NDC1: variants seen among roughly 807,000 people sequenced by gnomAD.
NDC1 encodes NDC1 transmembrane nucleoporin, also known as nucleoporin NDC1.
A neutral mutation model predicts 89.8 loss-of-function variants in NDC1; 24 were observed. The observed-to-expected ratio is 0.27, with a 90% CI of 0.19 to 0.38. The LOEUF is 0.38. NDC1 is among the 10% of genes least tolerant of loss of function. The pLI is 1.00. For missense variants in NDC1, 728 were observed against 797.6 expected, an observed-to-expected ratio of 0.91 and a Z score of 1.05; for synonymous variants, 296 against 284.8, an observed-to-expected ratio of 1.04 and a Z score of -0.39.
chr1:53,822,203 G>A (rs1017596000), intron 5 of NDC1, among the ~76,000 whole-genome samples: 4 of 152,064 alleles, frequency 2.6e-5, no homozygotes, highest in Non-Finnish European at 4.4e-5. Flanking sequence ...GCGTGGTAGC[G>A]CACGCCTATA....
chr1:53,809,450 C>G (rs1040869404), intron 7 of NDC1, among the ~76,000 whole-genome samples: 2 of 152,146 alleles, frequency 1.3e-5, no homozygotes, highest in Non-Finnish European at 1.5e-5. Flanking sequence ...CTCCTGGGCT[C>G]AAGCGATCCT....
At chr1:53,795,120 T>G (rs971027735) in intron 13 of NDC1, among the ~76,000 whole-genome samples, 4 of 152,122 alleles carry the variant, frequency 2.6e-5, no homozygotes, top group African/African-American at 9.7e-5. Flanking sequence ...TCCCGCCCCA[T>G]GCTACCCATC....
chr1:53,838,102 T>G (rs1292588125), intron 1 of NDC1, 103 bp downstream of exon 1: 1 of 1,062,504 alleles, frequency 9.4e-7, no homozygotes, highest in African/African-American at 1.6e-5. Context: ...CTCTCCACGC[T>G]GCCCCGGGAC....
intron 8 of NDC1, among the ~76,000 whole-genome samples, chr1:53,807,246 CAAAAAAAAAA>C (rs56393499): frequency 1.3e-4 from 7 of 55,272 alleles, no homozygotes; most frequent in South Asian, 1.0e-3. Context: ...GACCCTATCT[CAAAAAAAAAA>C]AAAAAAAAAA....
intron 7 of NDC1, 23 bp from the exon 8 acceptor site, chr1:53,807,814 T>C (rs1462726939): frequency 6.3e-7 from 1 of 1,580,546 alleles, no homozygotes; most frequent in Non-Finnish European, 8.6e-7. Context: ...AAATTACTAT[T>C]AATCCTCTAG....
At chr1:53,772,284 C>G in intron 17 of NDC1, 45 bp downstream of exon 17, 1 of 1,553,442 alleles carries the variant, frequency 6.4e-7, no homozygotes, top group Non-Finnish European at 8.8e-7. Context: ...CTAAGGAAAG[C>G]TCCCCAGAAT....
At chr1:53,834,416 G>A (rs532066493) in intron 2 of NDC1, among the ~76,000 whole-genome samples, 11 of 152,264 alleles carry the variant, frequency 7.2e-5, no homozygotes, top group South Asian at 2.1e-4. Context: ...GGGACCTATC[G>A]AAAAAGTGAT....
In NDC1 at chr1:53,806,492, G is replaced by A; in HGVS notation, c.917C>T (p.Pro306Leu). ...GCACTCATCTGACCCTTCTGCAAATGGTGGTTGAACAGGAAACACATGAGC... is the reference window on the plus strand; with the variant it reads ...GCACTCATCTGACCCTTCTGCAAATAGTGGTTGAACAGGAAACACATGAGC... ...TEAHVFPVQPPFAEGSDECLP... is the reference protein window; with the variant it reads ...TEAHVFPVQPLFAEGSDECLP... The change falls in exon 9 of 18, where the codon CCA (proline) becomes CTA (leucine). Residue 306 changes from proline to leucine, a missense_variant. Pro to Leu is a moderately conservative substitution (Grantham distance 98). Coordinates refer to ENST00000371429, the MANE Select transcript of NDC1 (RefSeq NM_018087.5). The A allele has an allele frequency of 2.0e-6, 3 of 1,521,810 alleles. No individual in the cohort carries two copies. Among genetic ancestry groups the A allele is most frequent in the Non-Finnish European group, 2.6e-6 (3 of 1,141,728 alleles). 94.3% of individuals were successfully genotyped at this position (1,521,810 alleles called of 1,614,324 possible). A position where few individuals can be genotyped will look rare whatever the true frequency, so the allele number is the denominator to read the frequency against.
intron 16 of NDC1, among the ~76,000 whole-genome samples, chr1:53,779,119 CAAAAAA>C (rs11412563): frequency 2.7e-4 from 15 of 55,524 alleles, no homozygotes; most frequent in Admixed American, 2.6e-3. Context: ...GACTCTGTCG[CAAAAAA>C]AAAAAAAAAA....
In NDC1 at chr1:53,772,464, G is replaced by A; in HGVS notation, c.1826C>T (p.Pro609Leu). ...CCGGGGTGGTTTACTGGAAGCATGA[G>A]GAAGCTTAAAGTACTTGTCGACTGC... ...QEAVDKYFKL[P>L]HASSKPPRIS... The change falls in exon 17 of 18, where the codon CCT (proline) becomes CTT (leucine). Residue 609 changes from proline (P) to leucine (L), a missense_variant. Coordinates refer to ENST00000371429, the MANE Select transcript of NDC1 (RefSeq NM_018087.5). 6.2e-7 allele frequency: 1 copy of A among 1,613,124 alleles called. No homozygotes were observed. Among genetic ancestry groups the A allele is most frequent in the Non-Finnish European group, 8.5e-7 (1 of 1,179,410 alleles).
intron 6 of NDC1, among the ~76,000 whole-genome samples, chr1:53,815,644 T>C (rs1452203111): frequency 6.6e-6 from 1 of 152,098 alleles, no homozygotes; most frequent in Non-Finnish European, 1.5e-5. Flanking sequence ...TCCAAATCAG[T>C]AAAAAGGAAG....
At chr1:53,791,895 A>G (rs1385302096) in intron 14 of NDC1, among the ~76,000 whole-genome samples, 1 of 152,092 alleles carries the variant, frequency 6.6e-6, no homozygotes, top group African/African-American at 2.4e-5. Context: ...TGAAGCGAAA[A>G]CAGAGTATGG....
chr1:53,824,259 A>G (rs1362328488), intron 5 of NDC1, among the ~76,000 whole-genome samples: 1 of 151,562 alleles, frequency 6.6e-6, no homozygotes, highest in Non-Finnish European at 1.5e-5. Flanking sequence ...AAGAAAAAAG[A>G]AAAAGAAATT....
rs146481357 is a variant in NDC1, at chr1:53,830,107, T to C, written c.281-1934A>G. Among the ~76,000 whole-genome samples, 1,079 of 151,162 alleles carry C rather than the reference T, an allele frequency of 7.1e-3. 5 individuals carry two copies. The highest frequency in any genetic ancestry group is 8.5e-3 in the Non-Finnish European group (574 of 67,886). ...CAGAGGCGTCAGCGAGCCAAGACCATACCACTGCACTCCAGCCTGGGCAAC... is the reference window on the plus strand; with the variant it reads ...CAGAGGCGTCAGCGAGCCAAGACCACACCACTGCACTCCAGCCTGGGCAAC... On this transcript the variant is annotated intron_variant, in intron 3 of 17. Transcript: ENST00000371429.
intron 14 of NDC1, among the ~76,000 whole-genome samples, chr1:53,790,313 T>C (rs1316823282): frequency 7.0e-6 from 1 of 142,182 alleles, no homozygotes; most frequent in Non-Finnish European, 1.5e-5. Context: ...TGTAATGAGC[T>C]GAGATCACGC....
chr1:53,818,430 CAA>C (rs34211832), intron 6 of NDC1, among the ~76,000 whole-genome samples: 5 of 132,668 alleles, frequency 3.8e-5, no homozygotes, highest in Admixed American at 7.6e-5. Context: ...GACAGATCAT[CAA>C]AAAAAAAAAA....
At position 53,825,279 on chromosome 1, in the gene NDC1, C is replaced by T. The variant is rs898507384; in HGVS notation, c.594+519G>A. Among the ~76,000 whole-genome samples the T allele has an allele frequency of 1.4e-4, 21 of 152,024 alleles. No individual in the cohort carries two copies. The Middle Eastern group carries it at 0.017, about 123-fold the overall frequency. ...TTACTTGAGGTCAGGAGTTCAAGAC[C>T]ACCCTGGCCAATATGGTGAAACCCC... On this transcript the variant is annotated intron_variant, in intron 5 of 17. Transcript: ENST00000371429.
chr1:53,812,729 C>T (rs969026225), intron 6 of NDC1, among the ~76,000 whole-genome samples: 1 of 152,202 alleles, frequency 6.6e-6, no homozygotes, highest in African/African-American at 2.4e-5. Context: ...TAGACCTAGA[C>T]ATCCAAATAC....
chr1:53,818,296 G>C (rs1352248306), intron 6 of NDC1, among the ~76,000 whole-genome samples: 1 of 151,970 alleles, frequency 6.6e-6, no homozygotes, highest in Non-Finnish European at 1.5e-5. Flanking sequence ...AAATAGCCGG[G>C]TATGGTGGTG....
Sources: gnomAD v4.1 joint callset for allele counts (sites outside exome capture counted in the v4.1 genomes callset) on GRCh38, gnomAD v4.1.1 for gene constraint, MANE v1.5 for transcripts, NCBI Gene and HGNC (gene_info 2026-07-23, HGNC 2026-07-21) for gene names.